FARS2: variants seen among roughly 807,000 people sequenced by gnomAD.
The protein encoded by FARS2 is phenylalanine--tRNA ligase, mitochondrial.
A neutral mutation model predicts 46.4 loss-of-function variants in FARS2; 40 were observed. That is an observed-to-expected ratio of 0.86 (90% confidence interval 0.67 to 1.12). The LOEUF is 1.12. Among genes scored for constraint, FARS2 ranks in the 50% most tolerant of loss-of-function variants. The pLI is 0.00. For synonymous variants in FARS2, 234 were observed against 214.9 expected (o/e 1.09, Z -0.78); for missense variants, 513 against 567.9 (o/e 0.90, Z 0.98).
intron 4 of FARS2, among the ~76,000 whole-genome samples, chr6:5,534,836 C>CTT (rs756695938): frequency 4.0e-4 from 61 of 150,712 alleles, no homozygotes; most frequent in East Asian, 1.8e-3. Context: ...CGCACACACA[C>CTT]GCACGCATAC....
chr6:5,611,829 G>T (rs551260900), intron 5 of FARS2, among the ~76,000 whole-genome samples: 1 of 152,136 alleles, frequency 6.6e-6, no homozygotes, highest in African/African-American at 2.4e-5. Flanking sequence ...CTCTGTCACC[G>T]TGCCTGGCAT....
intron 6 of FARS2, among the ~76,000 whole-genome samples, chr6:5,720,926 G>A (rs1759854502): frequency 6.6e-6 from 1 of 152,120 alleles, no homozygotes; most frequent in Non-Finnish European, 1.5e-5. Flanking sequence ...GGTAGCACAT[G>A]CCTGTAGTCC....
chr6:5,502,123 G>A (rs928671601), intron 4 of FARS2, among the ~76,000 whole-genome samples: 16 of 152,218 alleles, frequency 1.1e-4, no homozygotes, highest in African/African-American at 3.9e-4. Context: ...TAGTATTTGA[G>A]ACTGCTACCC....
At chr6:5,575,602 C>T (rs1772914413) in intron 5 of FARS2, among the ~76,000 whole-genome samples, 1 of 152,174 alleles carries the variant, frequency 6.6e-6, no homozygotes, top group African/African-American at 2.4e-5. Flanking sequence ...CAAATTTTGT[C>T]AGCTCTCCCC....
chr6:5,572,719 G>C (rs560045252), intron 5 of FARS2, among the ~76,000 whole-genome samples: 65 of 151,942 alleles, frequency 4.3e-4, no homozygotes, highest in African/African-American at 1.4e-3. Context: ...TTTTTTCAGG[G>C]TGCTTCTATC....
chr6:5,587,038 A>G (rs1277991539), intron 5 of FARS2, among the ~76,000 whole-genome samples: 14 of 152,210 alleles, frequency 9.2e-5, no homozygotes, highest in Non-Finnish European at 1.3e-4. Flanking sequence ...TGCTTTTATT[A>G]TAAAAACTGT....
At chr6:5,661,381 T>C (rs985613933) in intron 6 of FARS2, among the ~76,000 whole-genome samples, 3 of 152,174 alleles carry the variant, frequency 2.0e-5, no homozygotes, top group African/African-American at 7.2e-5. Context: ...GTGATCTTCA[T>C]TGAGAATGTA....
chr6:5,526,939 A>G (rs1769502531), intron 4 of FARS2, among the ~76,000 whole-genome samples: 1 of 152,228 alleles, frequency 6.6e-6, no homozygotes, highest in Non-Finnish European at 1.5e-5. Flanking sequence ...CTTAACAGAA[A>G]GAAACAGATA....
intron 6 of FARS2, among the ~76,000 whole-genome samples, chr6:5,754,105 A>G (rs1262438939): frequency 6.6e-6 from 1 of 152,204 alleles, no homozygotes; most frequent in Non-Finnish European, 1.5e-5. Context: ...TCTTTTATTG[A>G]GTATTTATTT....
intron 6 of FARS2, among the ~76,000 whole-genome samples, chr6:5,707,830 A>C (rs1442917639): frequency 6.6e-6 from 1 of 152,216 alleles, no homozygotes; most frequent in Non-Finnish European, 1.5e-5. Context: ...AGACAGGATG[A>C]ATCTCAGGCC....
chr6:5,705,074 A>G (rs1758658784), intron 6 of FARS2, among the ~76,000 whole-genome samples: 1 of 152,312 alleles, frequency 6.6e-6, no homozygotes, highest in South Asian at 2.1e-4. Context: ...TCCAGAATGA[A>G]TTAAAATAAC....
chr6:5,289,230 A>G (rs1022679225), intron 1 of FARS2, among the ~76,000 whole-genome samples: 9 of 152,216 alleles, frequency 5.9e-5, no homozygotes, highest in African/African-American at 1.2e-4. Flanking sequence ...TGAGTACTCT[A>G]TGCTTTCTAC....
chr6:5,309,124 G>A (rs1279189303), intron 1 of FARS2, among the ~76,000 whole-genome samples: 1 of 152,160 alleles, frequency 6.6e-6, no homozygotes, highest in Non-Finnish European at 1.5e-5. Flanking sequence ...ACCAGACAAT[G>A]TGCTGTGTAC....
chr6:5,442,169 T>C (rs555676210), intron 4 of FARS2, among the ~76,000 whole-genome samples: 34 of 152,322 alleles, frequency 2.2e-4, no homozygotes, highest in Non-Finnish European at 4.6e-4. Flanking sequence ...TTTACCTGGT[T>C]ATTACTGTTA....
chr6:5,579,430 C>T (rs1398083325), intron 5 of FARS2, among the ~76,000 whole-genome samples: 4 of 152,034 alleles, frequency 2.6e-5, no homozygotes, highest in African/African-American at 9.7e-5. Flanking sequence ...CCCACCACCA[C>T]ACCCAGCTAA....
chr6:5,548,143 C>G (rs1419113745), intron 5 of FARS2, among the ~76,000 whole-genome samples: 9 of 152,272 alleles, frequency 5.9e-5, no homozygotes, highest in East Asian at 1.9e-4. Context: ...ATCACTATCA[C>G]GAGAATAGCA....
chr6:5,751,858 C>A lies in FARS2; in HGVS notation c.1218-19433C>A, dbSNP rs78541682. 3.2e-3 allele frequency among the ~76,000 whole-genome samples: 495 copies of A among 152,328 alleles called. 1 individual carries two copies. Among genetic ancestry groups the A allele is most frequent in the African/African-American group, 0.011 (462 of 41,566 alleles). ...TTCCACTTCAGTTTGTGCCTGAGTG[C>A]CCTATTAAACATTTCTTTTTAAGGC... On this transcript the variant is annotated intron_variant, in intron 6 of 6. Coordinates refer to ENST00000274680, the MANE Select transcript of FARS2 (RefSeq NM_006567.5).
intron 1 of FARS2, among the ~76,000 whole-genome samples, chr6:5,324,159 G>A (rs564595225): frequency 1.2e-4 from 18 of 152,236 alleles, no homozygotes; most frequent in African/African-American, 3.6e-4. Flanking sequence ...AAAGTAAACC[G>A]GTCTTTAACT....
intron 6 of FARS2, among the ~76,000 whole-genome samples, chr6:5,662,851 T>C (rs1178794829): frequency 2.6e-5 from 4 of 152,204 alleles, no homozygotes; most frequent in Non-Finnish European, 5.9e-5. Flanking sequence ...TGCCCCAGTT[T>C]ACTTCACTAT....
Sources: allele counts gnomAD v4.1 joint callset (sites outside exome capture counted in the v4.1 genomes callset), GRCh38; gene constraint gnomAD v4.1.1; transcripts MANE v1.5; gene names NCBI Gene and HGNC (gene_info 2026-07-23, HGNC 2026-07-21).